The following DCUN1D2 variants were observed in gnomAD, a reference collection of about 807,000 sequenced individuals.
DCUN1D2 encodes the protein DCN1-like protein 2.
DCUN1D2 carries 29 observed loss-of-function variants against 30.9 expected under a neutral mutation model. The observed-to-expected ratio is 0.94, with a 90% confidence interval of 0.70 to 1.28. The LOEUF (loss-of-function observed/expected upper bound fraction) is 1.28. DCUN1D2 is among the 50% of genes most tolerant of loss of function. The pLI is 0.00. For missense variants in DCUN1D2, 325 were observed against 316.9 expected (o/e 1.03, Z -0.19); for synonymous variants, 121 against 115.3 (o/e 1.05, Z -0.32).
At chr13:113,459,047 C>G (rs540788139) in intron 6 of DCUN1D2, among the ~76,000 whole-genome samples, 1 of 152,312 alleles carries the variant, frequency 6.6e-6, no homozygotes, top group South Asian at 2.1e-4. Context: ...TTTCCCAATA[C>G]CTAACTCCAT....
chr13:113,457,858 T>C lies in DCUN1D2; in HGVS notation c.*171A>G. 2 of 654,902 alleles carry C rather than the reference T, an allele frequency of 3.1e-6. No homozygotes were observed. The highest frequency in any genetic ancestry group is 5.5e-6 in the Non-Finnish European group (2 of 365,994). 40.6% of individuals were successfully genotyped at this position (654,902 alleles called of 1,614,324 possible). On this transcript the variant is annotated 3_prime_UTR_variant, in exon 7 of 7. Transcript: ENST00000478244. ...CCGTGTCCCGAGGAACTTCCTGCGG[T>C]GTCCACAAAGCAGCCGCTGGCTGTC...
chr13:113,470,929 T>A (rs1019284246), intron 4 of DCUN1D2, among the ~76,000 whole-genome samples: 13 of 147,710 alleles, frequency 8.8e-5, no homozygotes, highest in African/African-American at 3.3e-4. Context: ...GGGACCCAGC[T>A]CCACAGAAGA....
Position 113,474,248 on chromosome 13 carries a change from G to T in DCUN1D2, c.396C>A (p.Asp132Glu). The T allele has an allele frequency of 6.2e-7, 1 of 1,613,820 alleles. No individual in the cohort carries two copies. Residue 132 changes from aspartate to glutamate, a missense_variant, in exon 4 of 7, where the codon GAC (aspartate) becomes GAA (glutamate). Coordinates refer to ENST00000478244, the MANE Select transcript of DCUN1D2 (RefSeq NM_001014283.2). ...GAAGAGCCTTTAGCTTCTCCATGCT[G>T]TCACACCTGCGATGACAGAGAGTGG... ...FLDGMTELGC[D>E]SMEKLKALLP... is the part of the protein sequence containing the mutation.
chr13:113,460,826 A>C (rs1475991153), intron 5 of DCUN1D2, among the ~76,000 whole-genome samples: 1 of 152,214 alleles, frequency 6.6e-6, no homozygotes, highest in Non-Finnish European at 1.5e-5. Flanking sequence ...GACTGCCAAG[A>C]AGCCACGTTC....
chr13:113,458,337 G>A (rs891629419), intron 6 of DCUN1D2, among the ~76,000 whole-genome samples: 32 of 152,228 alleles, frequency 2.1e-4, no homozygotes, highest in Non-Finnish European at 4.0e-4. Flanking sequence ...GGGGGCTGTG[G>A]GCTCACAGTG....
chr13:113,479,865 T>C (rs2044677659), intron 3 of DCUN1D2, among the ~76,000 whole-genome samples: 1 of 152,256 alleles, frequency 6.6e-6, no homozygotes, highest in Non-Finnish European at 1.5e-5. Context: ...TTTATACGAC[T>C]GGCAGTGCAG....
Position 113,490,346 on chromosome 13 carries a change from G to T in DCUN1D2, c.3+321C>A. 3.8e-6 allele frequency: 1 copy of T among 262,162 alleles called. No individual in the cohort carries two copies. Among genetic ancestry groups the T allele is most frequent in the Non-Finnish European group, 7.2e-6 (1 of 139,258 alleles). The allele number at this position is 262,162 out of a possible 1,614,324, so 16.2% of individuals were successfully genotyped here. ...CGACTGCCCGTTTCGAAGCCGCCCTGGGAAGCCCCCGGCCTGGGTTCCCGC... is the reference window on the plus strand; with the variant it reads ...CGACTGCCCGTTTCGAAGCCGCCCTTGGAAGCCCCCGGCCTGGGTTCCCGC... On this transcript the variant is annotated intron_variant, in intron 1 of 6. Transcript: ENST00000478244. The surrounding 1 kb of genome is among the most constrained non-coding windows in gnomAD (Gnocchi z 5.2).
chr13:113,480,840 T>C, intron 2 of DCUN1D2, 97 bp from the exon 3 acceptor site: 2 of 1,302,068 alleles, frequency 1.5e-6, no homozygotes, highest in Non-Finnish European at 2.1e-6. Flanking sequence ...TACTACATAG[T>C]TCTAGCAAGC....
chr13:113,474,383 C>T, intron 3 of DCUN1D2, 129 bp from the exon 4 acceptor site: 2 of 1,304,006 alleles, frequency 1.5e-6, no homozygotes, highest in Non-Finnish European at 2.1e-6. Context: ...AACTTCCTTT[C>T]CCAGGCGCGG....
At chr13:113,462,416 A>C (rs930102792) in intron 4 of DCUN1D2, among the ~76,000 whole-genome samples, 3 of 152,192 alleles carry the variant, frequency 2.0e-5, no homozygotes, top group African/African-American at 7.2e-5. Flanking sequence ...AAGTTAGGTA[A>C]TATGTTAGTT....
intron 1 of DCUN1D2, among the ~76,000 whole-genome samples, chr13:113,485,655 G>GTT (rs112235345): frequency 6.9e-6 from 1 of 145,644 alleles, no homozygotes. Context: ...GCTTCCAGAA[G>GTT]TTTTTTTTTT....
At chr13:113,465,811 T>C (rs1415706396) in intron 4 of DCUN1D2, among the ~76,000 whole-genome samples, 1 of 151,822 alleles carries the variant, frequency 6.6e-6, no homozygotes, top group Non-Finnish European at 1.5e-5. Flanking sequence ...GGACTACAGG[T>C]GCACACCACC....
At chr13:113,481,534 C>G (rs924063596) in intron 2 of DCUN1D2, among the ~76,000 whole-genome samples, 3 of 152,202 alleles carry the variant, frequency 2.0e-5, no homozygotes, top group African/African-American at 7.2e-5. Flanking sequence ...CCCCTTCACA[C>G]AAAATTTAAC....
At chr13:113,481,572 C>T (rs1240283786) in intron 2 of DCUN1D2, among the ~76,000 whole-genome samples, 1 of 152,182 alleles carries the variant, frequency 6.6e-6, no homozygotes, top group Non-Finnish European at 1.5e-5. Context: ...TATACTACCA[C>T]ATATATATAG....
intron 4 of DCUN1D2, among the ~76,000 whole-genome samples, chr13:113,473,794 G>A (rs1039014259): frequency 4.6e-5 from 7 of 152,186 alleles, no homozygotes; most frequent in East Asian, 1.9e-4. Context: ...TCAGGAGTTC[G>A]AGACCAGCAT....
At chr13:113,487,667 G>A (rs1302816277) in intron 1 of DCUN1D2, among the ~76,000 whole-genome samples, 1 of 152,190 alleles carries the variant, frequency 6.6e-6, no homozygotes. Context: ...TATATAGAGA[G>A]AAAGGTGAGT....
chr13:113,464,219 T>C (rs9604120), intron 4 of DCUN1D2, among the ~76,000 whole-genome samples: 3 of 152,218 alleles, frequency 2.0e-5, no homozygotes, highest in Non-Finnish European at 4.4e-5. Context: ...TCCCATCCTA[T>C]AGTGAATGAT....
rs1037165784 is a variant in DCUN1D2, at chr13:113,456,342, G to A, written c.*1687C>T. On this transcript the variant is annotated 3_prime_UTR_variant, in exon 7 of 7. Coordinates refer to ENST00000478244, the MANE Select transcript of DCUN1D2 (RefSeq NM_001014283.2). ...TGCCCTCTGTGACCATCTCTGCTAA[G>A]AAACATCGACAGTTCGTCCTGCAGC... 2.5e-6 allele frequency: 1 copy of A among 398,704 alleles called. No individual in the cohort carries two copies. Among genetic ancestry groups the A allele is most frequent in the African/African-American group, 2.1e-5 (1 of 48,644 alleles). The allele number at this position is 398,704 out of a possible 1,614,324, so 24.7% of individuals were successfully genotyped here.
intron 5 of DCUN1D2, among the ~76,000 whole-genome samples, chr13:113,460,430 T>C (rs990814870): frequency 1.3e-5 from 2 of 152,216 alleles, no homozygotes; most frequent in Non-Finnish European, 2.9e-5. Context: ...TCTCTGCCAT[T>C]ACCGGGCTTG....
Sources: allele counts gnomAD v4.1 joint callset (sites outside exome capture counted in the v4.1 genomes callset), GRCh38; gene constraint gnomAD v4.1.1; non-coding constraint Gnocchi (gnomAD v3.1); transcripts MANE v1.5; gene names NCBI Gene and HGNC (gene_info 2026-07-23, HGNC 2026-07-21).